ZNF407: variants seen among roughly 807,000 people sequenced by gnomAD.
ZNF407 encodes the protein zinc finger protein 407.
Under a neutral mutation model 131.2 loss-of-function variants are expected in ZNF407, and 17 were observed. That is an observed-to-expected ratio of 0.13 (90% CI 0.09 to 0.19). The LOEUF is 0.19. ZNF407 is among the 10% of genes least tolerant of loss of function. The pLI is 1.00. For missense variants in ZNF407, 2,681 were observed against 2,830.6 expected (o/e 0.95, Z 1.20); for synonymous variants, 1,156 against 1,062.0 (o/e 1.09, Z -1.72).
chr18:74,683,271 A>T (rs1488358893), intron 3 of ZNF407, among the ~76,000 whole-genome samples: 1 of 152,132 alleles, frequency 6.6e-6, no homozygotes, highest in Non-Finnish European at 1.5e-5. Flanking sequence ...TACGCTTTTG[A>T]TTTGGGTTAT....
At chr18:74,658,311 G>T (rs1005776953) in intron 3 of ZNF407, among the ~76,000 whole-genome samples, 13 of 152,170 alleles carry the variant, frequency 8.5e-5, no homozygotes, top group Admixed American at 1.3e-4. Flanking sequence ...TAGAGACAGG[G>T]TTTCACCATG....
intron 8 of ZNF407, among the ~76,000 whole-genome samples, chr18:74,935,797 G>A (rs578259028): frequency 6.6e-6 from 1 of 152,246 alleles, no homozygotes; most frequent in East Asian, 1.9e-4. Flanking sequence ...GAATTGTGCG[G>A]CACATACAGT....
At chr18:74,819,781 C>T (rs1970315432) in intron 4 of ZNF407, among the ~76,000 whole-genome samples, 1 of 152,178 alleles carries the variant, frequency 6.6e-6, no homozygotes, top group African/African-American at 2.4e-5. Flanking sequence ...TCCCTGCTGT[C>T]CCCAACCTGA....
At chr18:74,846,178 G>A (rs1356724232) in intron 4 of ZNF407, among the ~76,000 whole-genome samples, 1 of 152,076 alleles carries the variant, frequency 6.6e-6, no homozygotes, top group Non-Finnish European at 1.5e-5. Context: ...TCTTAGAATA[G>A]CATTAAGAAT....
intron 8 of ZNF407, among the ~76,000 whole-genome samples, chr18:75,008,834 A>G (rs1972941144): frequency 6.6e-6 from 1 of 151,974 alleles, no homozygotes; most frequent in Non-Finnish European, 1.5e-5. Flanking sequence ...GGCGTGACAT[A>G]AAGATATAAT....
intron 1 of ZNF407, among the ~76,000 whole-genome samples, chr18:74,621,862 G>T (rs1003620761): frequency 6.6e-6 from 1 of 152,178 alleles, no homozygotes; most frequent in Admixed American, 6.5e-5. Context: ...ATGCAAGGTA[G>T]CCTGGTCTCA....
chr18:75,057,775 A>C (rs934206414), intron 8 of ZNF407, among the ~76,000 whole-genome samples: 2 of 152,230 alleles, frequency 1.3e-5, no homozygotes, highest in African/African-American at 4.8e-5. Context: ...TAAAAGTGCC[A>C]TTCGTGTATT....
chr18:74,890,636 G>A, intron 7 of ZNF407, among the ~76,000 whole-genome samples: 1 of 152,166 alleles, frequency 6.6e-6, no homozygotes. Flanking sequence ...CTTGTCTAGA[G>A]TATAGCACTC....
At chr18:74,939,141 A>G (rs560894012) in intron 8 of ZNF407, among the ~76,000 whole-genome samples, 18 of 152,272 alleles carry the variant, frequency 1.2e-4, no homozygotes, top group African/African-American at 4.3e-4. Flanking sequence ...CATGATTTCT[A>G]TTGCTTGTAA....
intron 8 of ZNF407, among the ~76,000 whole-genome samples, chr18:75,056,436 G>A (rs975841701): frequency 6.6e-6 from 1 of 152,192 alleles, no homozygotes; most frequent in African/African-American, 2.4e-5. Context: ...ATAAAACTAA[G>A]AGGTTACTCT....
chr18:74,944,146 C>T (rs921147245), intron 8 of ZNF407, among the ~76,000 whole-genome samples: 3 of 152,072 alleles, frequency 2.0e-5, no homozygotes, highest in East Asian at 1.9e-4. Flanking sequence ...TATTTACATC[C>T]CACCAAAGGC....
At chr18:74,882,107 G>A (rs1971247154) in intron 6 of ZNF407, among the ~76,000 whole-genome samples, 1 of 152,182 alleles carries the variant, frequency 6.6e-6, no homozygotes, top group African/African-American at 2.4e-5. Flanking sequence ...AATTTAAGAT[G>A]AGATTTGGGT....
intron 3 of ZNF407, among the ~76,000 whole-genome samples, chr18:74,765,213 G>A (rs1019763831): frequency 2.4e-4 from 37 of 152,244 alleles, no homozygotes; most frequent in African/African-American, 7.9e-4. Context: ...TGTATTTATA[G>A]TAATTGTTTT....
chr18:74,680,013 T>G lies in ZNF407; in HGVS notation c.4802+38891T>G, dbSNP rs561181599. Among the ~76,000 whole-genome samples the G allele has an allele frequency of 2.0e-5, 3 of 152,314 alleles. No homozygotes were observed. The East Asian group carries it at 5.8e-4, about 29-fold the overall frequency. ...TACTTTTCATATTACGTGTACAATG[T>G]AGTTGAGAATTTTCATTGATAAAGC... On this transcript the variant is annotated intron_variant, in intron 3 of 8. Coordinates refer to ENST00000299687, the MANE Select transcript of ZNF407 (RefSeq NM_017757.3).
intron 3 of ZNF407, among the ~76,000 whole-genome samples, chr18:74,764,003 G>C (rs1212503054): frequency 6.6e-6 from 1 of 151,938 alleles, no homozygotes; most frequent in Non-Finnish European, 1.5e-5. Context: ...GTGAGCCACC[G>C]CGCCCGGCCA....
chr18:75,024,999 A>G (rs1486735908), intron 8 of ZNF407, among the ~76,000 whole-genome samples: 1 of 152,238 alleles, frequency 6.6e-6, no homozygotes, highest in Non-Finnish European at 1.5e-5. Flanking sequence ...TTGAATTGTT[A>G]CTAAACAAGC....
chr18:75,056,643 G>A (rs79766196), intron 8 of ZNF407, among the ~76,000 whole-genome samples: 6,098 of 152,296 alleles, frequency 0.04, 204 homozygotes, highest in African/African-American at 0.089. Flanking sequence ...CCAGAGTCCA[G>A]TGGGAGCTCT....
chr18:74,747,804 A>T (rs1247908682), intron 3 of ZNF407, among the ~76,000 whole-genome samples: 1 of 152,144 alleles, frequency 6.6e-6, no homozygotes, highest in East Asian at 1.9e-4. Context: ...TATGAATATA[A>T]TTTTCTGAGT....
intron 8 of ZNF407, among the ~76,000 whole-genome samples, chr18:75,017,091 T>C (rs1346525479): frequency 1.3e-5 from 2 of 152,140 alleles, no homozygotes; most frequent in African/African-American, 4.8e-5. Context: ...ATTGAGCATC[T>C]GCTTATGTTT....
Sources: gnomAD v4.1 joint callset for allele counts (sites outside exome capture counted in the v4.1 genomes callset) on GRCh38, gnomAD v4.1.1 for gene constraint, MANE v1.5 for transcripts, NCBI Gene and HGNC (gene_info 2026-07-23, HGNC 2026-07-21) for gene names.